Variants in TBC1D14 observed in about 807,000 individuals in gnomAD.
The protein encoded by TBC1D14 is TBC1 domain family member 14, also known as TBC1 domain family, member 14.
A neutral mutation model predicts 79.0 loss-of-function variants in TBC1D14; 26 were observed. The observed-to-expected ratio is 0.33, with a 90% CI of 0.24 to 0.46. The LOEUF (loss-of-function observed/expected upper bound fraction) is 0.46, where lower values mean the gene tolerates loss of function less well. Among genes scored for constraint, TBC1D14 ranks in the 20% least tolerant of loss-of-function variants. The pLI, the probability that TBC1D14 is intolerant of heterozygous loss-of-function variation, is 1.00. For synonymous variants in TBC1D14, 394 were observed against 349.9 expected, an observed-to-expected ratio of 1.13 and a Z score of -1.40; for missense variants, 769 against 887.6, an observed-to-expected ratio of 0.87 and a Z score of 1.70.
chr4:6,989,076 C>T (rs931965256), intron 3 of TBC1D14, among the ~76,000 whole-genome samples: 2 of 151,930 alleles, frequency 1.3e-5, no homozygotes, highest in Admixed American at 1.3e-4. Flanking sequence ...AATCATGATC[C>T]TTTCTTTTCG....
intron 13 of TBC1D14, among the ~76,000 whole-genome samples, chr4:7,029,090 T>A (rs1722777893): frequency 6.6e-6 from 1 of 152,182 alleles, no homozygotes; most frequent in African/African-American, 2.4e-5. Context: ...TCTTCCTCCC[T>A]TGGCCTCCCA....
chr4:7,007,634 G>A, intron 9 of TBC1D14: 1 of 1,284,238 alleles, frequency 7.8e-7, no homozygotes, highest in South Asian at 1.2e-5. Context: ...TGGTGCGTGA[G>A]CCCAGCGAGC....
chr4:6,923,641 C>G lies in TBC1D14; in HGVS notation c.252C>G (p.Val84=), dbSNP rs375266892. 1 of 1,613,934 alleles carries G rather than the reference C, an allele frequency of 6.2e-7. No homozygotes were observed. The highest frequency in any genetic ancestry group is 8.5e-7 in the Non-Finnish European group (1 of 1,180,032). ...GNPEPVPCSA[V]HVRRKQSDSD... ...CGGAGCCTGTACCCTGCAGCGCGGTCCACGTGAGGAGGAAGCAGTCCGACT... is the reference window on the plus strand; with the variant it reads ...CGGAGCCTGTACCCTGCAGCGCGGTGCACGTGAGGAGGAAGCAGTCCGACT... The change falls in exon 2 of 14, where the codon GTC becomes GTG. Residue 84 remains valine (V), a synonymous_variant. Coordinates refer to ENST00000409757, the MANE Select transcript of TBC1D14 (RefSeq NM_020773.3).
intron 3 of TBC1D14, chr4:6,987,655 G>A: frequency 2.9e-6 from 1 of 349,252 alleles, no homozygotes; most frequent in South Asian, 1.4e-4. Flanking sequence ...CGTCCTTTGA[G>A]TCCTCCTTAC....
At chr4:6,995,319 AC>A (rs1319667465) in intron 4 of TBC1D14, 1 of 152,244 alleles carries the variant, frequency 6.6e-6, no homozygotes, top group Non-Finnish European at 1.5e-5. Context: ...ATGTCTTCAT[AC>A]ATACATGTAA....
intron 5 of TBC1D14, chr4:6,998,769 C>T (rs1380404758): frequency 1.7e-5 from 4 of 239,150 alleles, no homozygotes; most frequent in Non-Finnish European, 3.3e-5. Context: ...GAACTCCTGA[C>T]CTCAGGTGAT....
intron 3 of TBC1D14, among the ~76,000 whole-genome samples, chr4:6,977,589 G>A (rs1160616533): frequency 6.8e-6 from 1 of 148,032 alleles, no homozygotes; most frequent in Admixed American, 6.7e-5. Context: ...CCCATCGTCT[G>A]GGATGTGAGG....
Position 7,009,946 on chromosome 4 carries a change from T to C in TBC1D14, c.1516T>C (p.Tyr506His). The change falls in exon 10 of 14, where the codon TAT becomes CAT. Residue 506 changes from tyrosine (Y) to histidine (H), a missense_variant and splice_region_variant. By Grantham distance (83) the Tyr-to-His change is moderately conservative. Around this residue, in one of 2 missense-constraint regions of TBC1D14, gnomAD observed 367 missense variants for 494.4 expected, o/e 0.74. Coordinates refer to ENST00000409757, the MANE Select transcript of TBC1D14 (RefSeq NM_020773.3). ...TACTTGTTACCGGCCAGATGTGGGT[T>C]ATGTAAGTGAAGTTTCTCAGTATTT... ...AYTCYRPDVG[Y>H]VQGMSFIAAV... The C allele has an allele frequency of 6.2e-7, 1 of 1,614,144 alleles. No homozygotes were observed. Among genetic ancestry groups the C allele is most frequent in the Non-Finnish European group, 8.5e-7 (1 of 1,180,002 alleles).
At chr4:7,028,136 C>G (rs1242359275) in intron 13 of TBC1D14, among the ~76,000 whole-genome samples, 2 of 151,688 alleles carry the variant, frequency 1.3e-5, no homozygotes, top group East Asian at 1.9e-4. Flanking sequence ...CACATCACAC[C>G]CACACGTACA....
intron 1 of TBC1D14, among the ~76,000 whole-genome samples, chr4:6,918,465 G>A (rs1577454887): frequency 6.6e-6 from 1 of 152,220 alleles, no homozygotes; most frequent in African/African-American, 2.4e-5. Context: ...GGCACCTGCT[G>A]TGTGTCAGTC....
In TBC1D14 at chr4:7,001,235, G is replaced by GT. The variant is rs1719644989; in HGVS notation, c.1256dup (p.Leu419PhefsTer9). 1 of 1,613,934 alleles carries GT rather than the reference G, an allele frequency of 6.2e-7. No homozygotes were observed. Among genetic ancestry groups the GT allele is most frequent in the African/African-American group, 1.3e-5 (1 of 74,932 alleles). On this transcript the variant is annotated frameshift_variant, in exon 7 of 14. Transcript: ENST00000409757. LOFTEE classifies it high-confidence loss of function. Reference sequence around the variant, plus strand: ...TCTGGAGCTTAGCCATTGGCAACGAGTTAAATATCACCCACGGTGAGTGGC... The same window carrying GT: ...TCTGGAGCTTAGCCATTGGCAACGAGTTTAAATATCACCCACGGTGAGTGGC...
At chr4:7,006,344 C>T (rs1367122861) in intron 8 of TBC1D14, among the ~76,000 whole-genome samples, 1 of 151,974 alleles carries the variant, frequency 6.6e-6, no homozygotes, top group African/African-American at 2.4e-5. Flanking sequence ...CCTTGCTTTC[C>T]ACTGATTGTT....
At chr4:6,987,090 G>T in intron 3 of TBC1D14, 48 of 645,184 alleles carry the variant, frequency 7.4e-5, no homozygotes, top group Non-Finnish European at 8.5e-5. Flanking sequence ...CCCGCCCCTT[G>T]TGCCCGCCCC....
chr4:7,015,972 C>T (rs1308086992), intron 12 of TBC1D14, among the ~76,000 whole-genome samples: 1 of 152,228 alleles, frequency 6.6e-6, no homozygotes, highest in African/African-American at 2.4e-5. Context: ...AGATAGCTGG[C>T]TGGTTTGGTT....
intron 9 of TBC1D14, among the ~76,000 whole-genome samples, chr4:7,007,057 T>C (rs949516814): frequency 6.6e-6 from 1 of 152,198 alleles, no homozygotes; most frequent in Non-Finnish European, 1.5e-5. Context: ...ACTCCTCTGC[T>C]CTCAGGACTG....
At chr4:6,914,120 A>G (rs1723208788) in intron 1 of TBC1D14, among the ~76,000 whole-genome samples, 1 of 142,656 alleles carries the variant, frequency 7.0e-6, no homozygotes, top group Non-Finnish European at 1.5e-5. Context: ...AGCCTGGGTG[A>G]CAGAGACCCC....
At chr4:6,989,282 C>G (rs1045508738) in intron 3 of TBC1D14, among the ~76,000 whole-genome samples, 2 of 152,148 alleles carry the variant, frequency 1.3e-5, no homozygotes, top group African/African-American at 2.4e-5. Flanking sequence ...TCTCCTCTCT[C>G]TCCTGGGGCT....
rs770990891 is a variant in TBC1D14, at chr4:6,967,347, A to G, written c.766A>G (p.Asn256Asp). 5 of 1,614,166 alleles carry G rather than the reference A, an allele frequency of 3.1e-6. No individual in the cohort carries two copies. The Admixed American group carries it at 8.3e-5, about 27-fold the overall frequency. Residue 256 changes from asparagine (N) to aspartate (D), a missense_variant, in exon 3 of 14, where the codon AAT becomes GAT. Physicochemically the swap from Asn to Asp is conservative, Grantham distance 23 (BLOSUM62 1). Coordinates refer to ENST00000409757, the MANE Select transcript of TBC1D14 (RefSeq NM_020773.3). ...ACAAAGTGCAAGGCTTGACAAACAC[A>G]ATGACTTGGGATGGAAGTTATTTGG... The part of the protein sequence containing the change: ...RKQSARLDKH[N>D]DLGWKLFGKA...
chr4:6,947,946 C>A (rs1050423781), intron 2 of TBC1D14, among the ~76,000 whole-genome samples: 2 of 152,094 alleles, frequency 1.3e-5, no homozygotes, highest in Non-Finnish European at 2.9e-5. Flanking sequence ...GCCCGCCTGC[C>A]CTACAAATGC....
Sources: gnomAD v4.1 joint callset for allele counts (sites outside exome capture counted in the v4.1 genomes callset) on GRCh38, gnomAD v4.1.1 for gene constraint, gnomAD v4.1.1 regional missense constraint, MANE v1.5 for transcripts, NCBI Gene and HGNC (gene_info 2026-07-23, HGNC 2026-07-21) for gene names.